ADRA1A: variants seen among roughly 807,000 people sequenced by gnomAD.
ADRA1A encodes alpha-1A adrenergic receptor.
Under a neutral mutation model 29.6 loss-of-function variants are expected in ADRA1A, and 31 were observed. The ratio of observed to expected loss-of-function variants is 1.05; its 90% CI spans 0.79 to 1.41. ADRA1A has a LOEUF of 1.41. ADRA1A is among the 40% of genes most tolerant of loss of function. The pLI is 0.00. For missense variants in ADRA1A, 619 were observed against 601.1 expected (o/e 1.03, Z -0.31); for synonymous variants, 311 against 254.3 (o/e 1.22, Z -2.12).
chr8:26,819,340 G>A (rs545436235), intron 2 of ADRA1A, among the ~76,000 whole-genome samples: 5 of 151,350 alleles, frequency 3.3e-5, no homozygotes, highest in Non-Finnish European at 5.9e-5. Flanking sequence ...ATACTAATAA[G>A]TAATTTAAAA....
chr8:26,808,887 G>A (rs753713124), intron 2 of ADRA1A, among the ~76,000 whole-genome samples: 3 of 152,154 alleles, frequency 2.0e-5, no homozygotes, highest in East Asian at 1.9e-4. Flanking sequence ...AATCTAGACA[G>A]CTTTGGTAGG....
At chr8:26,749,840 T>C (rs1804847866) in intron 2 of ADRA1A, among the ~76,000 whole-genome samples, 1 of 152,176 alleles carries the variant, frequency 6.6e-6, no homozygotes, top group Non-Finnish European at 1.5e-5. Context: ...TCTTCCTCTC[T>C]CATTTCCTAT....
At position 26,848,072 on chromosome 8, in the gene ADRA1A, G is replaced by A. The variant is rs1348183308; in HGVS notation, c.883+16015C>T. Among the ~76,000 whole-genome samples the A allele has an allele frequency of 6.6e-6, 1 of 152,206 alleles. No individual in the cohort carries two copies. The highest frequency in any genetic ancestry group is 2.4e-5 in the African/African-American group (1 of 41,454). On this transcript the variant is annotated intron_variant, in intron 2 of 2. Transcript: ENST00000380573. The surrounding 1 kb of genome is among the most constrained non-coding windows in gnomAD (Gnocchi z 4.3). ...AGTGCAGAGCAAAGGGCAGGACCAC[G>A]TGTGATTCCAGGGCTTTTAACTGTA...
chr8:26,848,480 A>G lies in ADRA1A; in HGVS notation c.883+15607T>C, dbSNP rs955728767. Among the ~76,000 whole-genome samples the G allele has an allele frequency of 6.6e-6, 1 of 152,158 alleles. No homozygotes were observed. The highest frequency in any genetic ancestry group is 6.5e-5 in the Admixed American group (1 of 15,276). On this transcript the variant is annotated intron_variant, in intron 2 of 2. Transcript: ENST00000380573. The surrounding 1 kb of genome is among the most constrained non-coding windows in gnomAD (Gnocchi z 4.3). ...CTCTCTCTTCATCAGGTGAGAATGC[A>G]GGGAGAAGGCAACCATCTGTGACCT...
Position 26,787,052 on chromosome 8 carries a change from A to G in ADRA1A, c.884-16386T>C, listed in dbSNP as rs189376952. On this transcript the variant is annotated intron_variant, in intron 2 of 2. Transcript: ENST00000380573. The surrounding 1 kb of genome is among the most constrained non-coding windows in gnomAD (Gnocchi z 4.2). ...TATTACCAACCTCATCTTACAGATG[A>G]GGAAACTGAGGCTTAAGGAGTTTAA... Among the ~76,000 whole-genome samples the G allele has an allele frequency of 8.2e-3, 1,252 of 152,306 alleles. 10 individuals are homozygous for G. Among genetic ancestry groups the G allele is most frequent in the Non-Finnish European group, 0.011 (734 of 68,016 alleles).
intron 2 of ADRA1A, among the ~76,000 whole-genome samples, chr8:26,778,636 C>A (rs1432197264): frequency 6.6e-6 from 1 of 152,094 alleles, no homozygotes; most frequent in Non-Finnish European, 1.5e-5. Flanking sequence ...GAGTTCATGT[C>A]CTTTGTAGGG....
downstream of ADRA1A, among the ~76,000 whole-genome samples, chr8:26,753,089 C>A (rs893884092): frequency 6.6e-6 from 1 of 152,148 alleles, no homozygotes; most frequent in Admixed American, 6.5e-5. Context: ...GCTGAGGAGT[C>A]CCACTGAGGG....
chr8:26,791,140 A>G (rs909344635), intron 2 of ADRA1A, among the ~76,000 whole-genome samples: 4 of 152,172 alleles, frequency 2.6e-5, no homozygotes, highest in African/African-American at 4.8e-5. Context: ...ACATTTTGCT[A>G]TTTTATTTTT....
chr8:26,761,024 T>C (rs1805480091), downstream of ADRA1A, among the ~76,000 whole-genome samples: 1 of 152,198 alleles, frequency 6.6e-6, no homozygotes, highest in Non-Finnish European at 1.5e-5. Context: ...CATGCCTGCT[T>C]AGGGGCTGGA....
At position 26,823,618 on chromosome 8, in the gene ADRA1A, C is replaced by T. The variant is rs929234812; in HGVS notation, c.883+40469G>A. Among the ~76,000 whole-genome samples, 12 of 152,264 alleles carry T rather than the reference C, an allele frequency of 7.9e-5. No individual in the cohort carries two copies. Among genetic ancestry groups the T allele is most frequent in the African/African-American group, 2.9e-4 (12 of 41,556 alleles). Reference sequence around the variant, plus strand: ...GCTTGGGCTATCAACATATTTGTGTCACCACCTATCTAAGTGGCACCAGGA... The same window carrying T: ...GCTTGGGCTATCAACATATTTGTGTTACCACCTATCTAAGTGGCACCAGGA... On this transcript the variant is annotated intron_variant, in intron 2 of 2. Transcript: ENST00000380573. The surrounding 1 kb of genome is among the most constrained non-coding windows in gnomAD (Gnocchi z 4.2).
chr8:26,767,012 C>A (rs980812857), downstream of ADRA1A, among the ~76,000 whole-genome samples: 1 of 152,068 alleles, frequency 6.6e-6, no homozygotes, highest in Non-Finnish European at 1.5e-5. Context: ...GGAAAGAAAA[C>A]TGATGAGTAA....
At chr8:26,849,451 A>T (rs764120234) in intron 2 of ADRA1A, among the ~76,000 whole-genome samples, 25 of 152,234 alleles carry the variant, frequency 1.6e-4, no homozygotes, top group Non-Finnish European at 2.5e-4. Context: ...AGAGGGCACT[A>T]CACACCCTGC....
At chr8:26,759,028 T>C (rs1430065619) in intron 2 of ADRA1A, among the ~76,000 whole-genome samples, 2 of 152,260 alleles carry the variant, frequency 1.3e-5, no homozygotes, top group African/African-American at 2.4e-5. Flanking sequence ...TCATCATGGA[T>C]GCATTATAGG....
At position 26,815,917 on chromosome 8, in the gene ADRA1A, CAG is replaced by C. The variant is rs956208133; in HGVS notation, c.884-45253_884-45252del. On this transcript the variant is annotated intron_variant, in intron 2 of 2. Coordinates refer to ENST00000380573, the MANE Select transcript of ADRA1A (RefSeq NM_000680.4). This position sits in a 1 kb window ranked among gnomAD's most constrained non-coding sequence, Gnocchi z 4.2. ...GGAATGAGAGAAAAGGGAAATGAGA[CAG>C]GGCAGGATGAGAAGCAAGGGAGGGG... is the stretch of plus-strand genomic sequence containing the variant. Among the ~76,000 whole-genome samples, 2 of 152,118 alleles carry C rather than the reference CAG, an allele frequency of 1.3e-5. No homozygotes were observed. The highest frequency in any genetic ancestry group is 1.3e-4 in the Admixed American group (2 of 15,258).
chr8:26,858,976 C>A, intron 2 of ADRA1A: 1 of 1,093,424 alleles, frequency 9.1e-7, no homozygotes, highest in Non-Finnish European at 1.1e-6. Flanking sequence ...GAAAAGGGAA[C>A]GTGAGACTTC....
rs1813806553 is a variant in ADRA1A, at chr8:26,865,043, G to A, written c.-74C>T. On this transcript the variant is annotated 5_prime_UTR_variant, in exon 2 of 3. Coordinates refer to ENST00000380573, the MANE Select transcript of ADRA1A (RefSeq NM_000680.4). This position sits in a 1 kb window ranked among gnomAD's most constrained non-coding sequence, Gnocchi z 7.6. ...GGGCTGGCGCGGAGGCGGGAGCGCG[G>A]GAGCCGGGAATCAAAAGGTCTCGGC... 1 of 1,518,382 alleles carries A rather than the reference G, an allele frequency of 6.6e-7. No individual in the cohort carries two copies. Among genetic ancestry groups the A allele is most frequent in the African/African-American group, 1.4e-5 (1 of 72,160 alleles). 94.1% of individuals were successfully genotyped at this position (1,518,382 alleles called of 1,614,324 possible).
Position 26,768,957 on chromosome 8 carries a change from T to C in ADRA1A, c.*1192A>G, listed in dbSNP as rs944695585. 3 of 985,336 alleles carry C rather than the reference T, an allele frequency of 3.0e-6. No homozygotes were observed. The African/African-American group carries it at 5.2e-5, about 17-fold the overall frequency. The allele number at this position is 985,336 out of a possible 1,614,324, so 61.0% of individuals were successfully genotyped here. ...GAACAAATGGCCTTCTATCAAAAAA[T>C]GTTTGCAAACTCCTGCGTTAGACAG... is the stretch of plus-strand genomic sequence containing the variant. On this transcript the variant is annotated 3_prime_UTR_variant, in exon 3 of 3. Coordinates refer to ENST00000380573, the MANE Select transcript of ADRA1A (RefSeq NM_000680.4).
At chr8:26,760,449 G>A (rs1780049847) in intron 2 of ADRA1A, among the ~76,000 whole-genome samples, 1 of 152,178 alleles carries the variant, frequency 6.6e-6, no homozygotes, top group South Asian at 2.1e-4. Context: ...AAACAGTGCA[G>A]CTTCCTTTCC....
In ADRA1A at chr8:26,833,992, G is replaced by C. The variant is rs1213023468; in HGVS notation, c.883+30095C>G. ...AAACATTGATAATTTTTGTATGTCTGGATAACTCAAAAGTTATTAGCTGGA... is the reference window on the plus strand; with the variant it reads ...AAACATTGATAATTTTTGTATGTCTCGATAACTCAAAAGTTATTAGCTGGA... On this transcript the variant is annotated intron_variant, in intron 2 of 2. Coordinates refer to ENST00000380573, the MANE Select transcript of ADRA1A (RefSeq NM_000680.4). Among the ~76,000 whole-genome samples, 3 of 152,210 alleles carry C rather than the reference G, an allele frequency of 2.0e-5. No homozygotes were observed. In the East Asian group the frequency reaches 5.8e-4, roughly 29 times the overall value.
Sources: gnomAD v4.1 joint callset for allele counts (sites outside exome capture counted in the v4.1 genomes callset) on GRCh38, gnomAD v4.1.1 for gene constraint, Gnocchi (gnomAD v3.1) non-coding constraint, MANE v1.5 for transcripts, NCBI Gene and HGNC (gene_info 2026-07-23, HGNC 2026-07-21) for gene names.